Variants in ATM observed in about 807,000 individuals in gnomAD.
ATM encodes the protein ATM serine/threonine kinase.
A neutral mutation model predicts 387.0 loss-of-function variants in ATM; 308 were observed. The ratio of observed to expected loss-of-function variants is 0.80; its 90% confidence interval spans 0.73 to 0.87. The LOEUF (loss-of-function observed/expected upper bound fraction) is 0.87, where lower values mean the gene tolerates loss of function less well. Among genes scored for constraint, ATM ranks in the 40% least tolerant of loss-of-function variants. The pLI is 0.00. For missense variants in ATM, 3,312 were observed against 3,560.9 expected (o/e 0.93, Z 1.78); for synonymous variants, 1,156 against 1,187.3 (o/e 0.97, Z 0.54).
chr11:108,364,646 G>A (rs138032183), intron 61 of ATM, among the ~76,000 whole-genome samples: 101 of 152,238 alleles, frequency 6.6e-4, no homozygotes, highest in African/African-American at 2.3e-3. Context: ...TGGAGAAGAC[G>A]GCTTAGGAGT....
rs748146815 is a variant in ATM at position 108,252,057 on chromosome 11, CTGTTTTTTTTGTT to C, written c.1802+33_1802+45del. The stretch of plus-strand genomic sequence containing the variant: ...GTAATTTAAGTTCATTAGCATGCTG[CTGTTTTTTTTGTT>C]TGTTTTATCAGGCTCTCTCCACTTA... On this transcript the variant is annotated intron_variant, in intron 11 of 62. Coordinates refer to ENST00000675843, the MANE Select transcript of ATM (RefSeq NM_000051.4). 7.9e-5 allele frequency: 126 copies of C among 1,600,258 alleles called. No individual in the cohort carries two copies. The highest frequency in any genetic ancestry group is 9.7e-5 in the Non-Finnish European group (114 of 1,172,326).
At chr11:108,265,184 A>G (rs2081154929) in intron 16 of ATM, among the ~76,000 whole-genome samples, 1 of 151,832 alleles carries the variant, frequency 6.6e-6, no homozygotes, top group Non-Finnish European at 1.5e-5. Context: ...AGTCAATCCT[A>G]AGCCAAAAGA....
chr11:108,356,931 G>A (rs563894829), intron 61 of ATM, among the ~76,000 whole-genome samples: 3 of 152,270 alleles, frequency 2.0e-5, no homozygotes, highest in East Asian at 1.9e-4. Context: ...CACACCCTCC[G>A]GGAGGAGGAG....
chr11:108,241,738 CTTTCTTTTTTTTT>C (rs2079569286), intron 5 of ATM, among the ~76,000 whole-genome samples: 2 of 82,092 alleles, frequency 2.4e-5, no homozygotes, highest in African/African-American at 8.0e-5. Context: ...GTCTTTCTTT[CTTTCTTTTTTTTT>C]TTTTTTTTTT....
At chr11:108,257,420 A>G (rs2080567196) in intron 14 of ATM, 61 bp from the exon 15 acceptor site, 1 of 1,586,088 alleles carries the variant, frequency 6.3e-7, no homozygotes, top group African/African-American at 1.3e-5. Context: ...GTACACTGTA[A>G]AAAGCAATAC....
intron 58 of ATM, among the ~76,000 whole-genome samples, chr11:108,346,247 G>A (rs1439595658): frequency 6.6e-6 from 1 of 151,854 alleles, no homozygotes; most frequent in Non-Finnish European, 1.5e-5. Context: ...TGAAACCTGT[G>A]ATAACTTATT....
chr11:108,246,899 G>A (rs2135262882), intron 7 of ATM, 65 bp from the exon 8 acceptor site: 2 of 1,337,442 alleles, frequency 1.5e-6, no homozygotes, highest in Non-Finnish European at 2.1e-6. Flanking sequence ...GAATAATTTT[G>A]TGGGAGCTAG....
intron 4 of ATM, among the ~76,000 whole-genome samples, chr11:108,232,566 G>A (rs1323496915): frequency 2.6e-5 from 2 of 75,770 alleles, no homozygotes; most frequent in South Asian, 9.0e-4. Context: ...TTGAGACAGA[G>A]TCTTGCTTTG....
chr11:108,359,375 T>TA (rs1463905573), intron 61 of ATM, among the ~76,000 whole-genome samples: 2 of 152,012 alleles, frequency 1.3e-5, no homozygotes, highest in Non-Finnish European at 2.9e-5. Context: ...CTGTCAACAT[T>TA]AGACAGATCA....
At chr11:108,327,959 C>A (rs1049244555) in intron 48 of ATM, among the ~76,000 whole-genome samples, 1 of 152,092 alleles carries the variant, frequency 6.6e-6, no homozygotes, top group Non-Finnish European at 1.5e-5. Flanking sequence ...AAAGTAAGCC[C>A]AAGTATAGTA....
rs148061139 is a variant in ATM at position 108,227,797 on chromosome 11, C to A, written c.94C>A (p.Arg32Ser). ...TCAGAAAGAAGTTGAGAAATTTAAG[C>A]GCCTGATTCGAGATCCTGAAACAAT... ...ERKKEVEKFK[R>S]LIRDPETIKH... Residue 32 changes from arginine to serine, a missense_variant, in exon 3 of 63, where the codon CGC (arginine) becomes AGC (serine). Physicochemically the swap from Arg to Ser is moderately radical, Grantham distance 110. Coordinates refer to ENST00000675843, the MANE Select transcript of ATM (RefSeq NM_000051.4). The A allele has an allele frequency of 6.2e-7, 1 of 1,613,608 alleles. No homozygotes were observed. Among genetic ancestry groups the A allele is most frequent in the Non-Finnish European group, 8.5e-7 (1 of 1,179,802 alleles).
rs1172318140 is a variant in ATM, at chr11:108,301,677, G to A, written c.5207G>A (p.Cys1736Tyr). 6.2e-7 allele frequency: 1 copy of A among 1,613,614 alleles called. No homozygotes were observed. Among genetic ancestry groups the A allele is most frequent in the East Asian group, 2.2e-5 (1 of 44,784 alleles). Residue 1736 changes from cysteine (C) to tyrosine (Y), a missense_variant, in exon 35 of 63, where the codon TGT becomes TAT. Physicochemically the swap from Cys to Tyr is radical, Grantham distance 194 (BLOSUM62 -2). Coordinates refer to ENST00000675843, the MANE Select transcript of ATM (RefSeq NM_000051.4). Reference sequence around the variant, plus strand: ...AAAGTTCGATCAGCAGCTGTTACCTGTTTGAAAAACATTTTAGCCACAAAG... The same window carrying A: ...AAAGTTCGATCAGCAGCTGTTACCTATTTGAAAAACATTTTAGCCACAAAG... ...CVKVRSAAVT[C>Y]LKNILATKTG...
intron 18 of ATM, among the ~76,000 whole-genome samples, chr11:108,269,721 G>T (rs950756664): frequency 6.6e-6 from 1 of 152,154 alleles, no homozygotes; most frequent in East Asian, 1.9e-4. Flanking sequence ...CACATGCCTG[G>T]TGAGTCCCTA....
chr11:108,267,073 G>T (rs1428340582), intron 16 of ATM, 98 bp from the exon 17 acceptor site: 6 of 1,242,306 alleles, frequency 4.8e-6, no homozygotes, highest in Non-Finnish European at 5.8e-6. Context: ...TGAGATTACA[G>T]ATGTGAGCCA....
rs587780612 is a variant in ATM at position 108,247,085 on chromosome 11, CAAAG to C, written c.1027_1030del (p.Glu343IlefsTer2). On this transcript the variant is annotated frameshift_variant, in exon 8 of 63. Coordinates refer to ENST00000675843, the MANE Select transcript of ATM (RefSeq NM_000051.4). LOFTEE classifies it high-confidence loss of function. ...CTTCAGGATTTCGTAATATTGCCGT[CAAAG>C]AAAATTTGATTGAATTGATGGCAGA... is the stretch of plus-strand genomic sequence containing the variant. 1.1e-5 allele frequency: 18 copies of C among 1,613,502 alleles called. No individual in the cohort carries two copies. Among genetic ancestry groups the C allele is most frequent in the Non-Finnish European group, 1.7e-6 (2 of 1,179,856 alleles).
intron 61 of ATM, among the ~76,000 whole-genome samples, chr11:108,359,561 G>A (rs1773419418): frequency 1.3e-5 from 2 of 151,970 alleles, no homozygotes; most frequent in South Asian, 4.2e-4. Context: ...GCTCTCCTCA[G>A]CAAATGTAAA....
At chr11:108,289,924 C>A in intron 29 of ATM, 123 bp downstream of exon 29, 1 of 872,800 alleles carries the variant, frequency 1.1e-6, no homozygotes, top group Non-Finnish European at 1.8e-6. Flanking sequence ...TGGGTGCAGT[C>A]ACGGCTCACT....
At chr11:108,237,314 G>A (rs1245115592) in intron 5 of ATM, among the ~76,000 whole-genome samples, 1 of 152,088 alleles carries the variant, frequency 6.6e-6, no homozygotes, top group Non-Finnish European at 1.5e-5. Flanking sequence ...TCCCCAGTAT[G>A]GCTGGTCATA....
chr11:108,361,865 TA>T (rs2090806237), intron 61 of ATM, among the ~76,000 whole-genome samples: 1 of 151,406 alleles, frequency 6.6e-6, no homozygotes, highest in Non-Finnish European at 1.5e-5. Context: ...ACCTAGGCAT[TA>T]CCATTCAGGA....
Sources: allele counts gnomAD v4.1 joint callset (sites outside exome capture counted in the v4.1 genomes callset), GRCh38; gene constraint gnomAD v4.1.1; transcripts MANE v1.5; gene names NCBI Gene and HGNC (gene_info 2026-07-23, HGNC 2026-07-21).